The following ZNF385D variants were observed in gnomAD, a reference collection of about 807,000 sequenced individuals.
ZNF385D encodes the protein zinc finger protein 659.
In ZNF385D, 15 loss-of-function variants were observed where a neutral mutation model predicts 35.8. The ratio of observed to expected loss-of-function variants is 0.42; its 90% CI spans 0.28 to 0.64. The LOEUF (loss-of-function observed/expected upper bound fraction) is 0.64. ZNF385D is among the 30% of genes least tolerant of loss of function. The pLI is 0.23. For missense variants in ZNF385D, 474 were observed against 494.6 expected (o/e 0.96, Z 0.39); for synonymous variants, 212 against 186.8 (o/e 1.13, Z -1.10).
intron 2 of ZNF385D, among the ~76,000 whole-genome samples, chr3:22,288,466 C>T (rs1052916125): frequency 6.6e-6 from 1 of 151,900 alleles, no homozygotes; most frequent in Non-Finnish European, 1.5e-5. Context: ...TGGATGATTT[C>T]CAGTGACCTG....
rs552194344 is a variant in ZNF385D, at chr3:22,000,072, G to A, written c.325+168745C>T. Among the ~76,000 whole-genome samples, 34 of 152,206 alleles carry A rather than the reference G, an allele frequency of 2.2e-4. No homozygotes were observed. In the East Asian group the frequency reaches 4.5e-3, roughly 20 times the overall value. On this transcript the variant is annotated intron_variant, in intron 3 of 5. Coordinates refer to the ZNF385D transcript ENST00000494108. ...TGTAATTCCAGCACTTTGGGAGGCCGAGGCGGGCAGATCATGAGCTCAGGA... is the reference window on the plus strand; with the variant it reads ...TGTAATTCCAGCACTTTGGGAGGCCAAGGCGGGCAGATCATGAGCTCAGGA...
chr3:22,281,815 G>A (rs1168861326), intron 2 of ZNF385D, among the ~76,000 whole-genome samples: 5 of 151,978 alleles, frequency 3.3e-5, no homozygotes, highest in African/African-American at 4.8e-5. Context: ...CAATAGGATT[G>A]GTACCAATTG....
At chr3:21,621,750 C>A (rs951238222) in intron 2 of ZNF385D, among the ~76,000 whole-genome samples, 2 of 151,972 alleles carry the variant, frequency 1.3e-5, no homozygotes, top group African/African-American at 4.8e-5. Context: ...CTATTATCTT[C>A]TGAGATACTC....
intron 2 of ZNF385D, among the ~76,000 whole-genome samples, chr3:22,180,021 A>G (rs1033189484): frequency 2.6e-5 from 4 of 152,216 alleles, no homozygotes; most frequent in African/African-American, 7.2e-5. Context: ...AAAGATCAAC[A>G]AAGTTGATAG....
At chr3:21,493,553 C>T (rs866538534) in intron 4 of ZNF385D, among the ~76,000 whole-genome samples, 16 of 152,034 alleles carry the variant, frequency 1.1e-4, no homozygotes, top group African/African-American at 3.9e-4. Flanking sequence ...ACACTATATA[C>T]TGATCTAAAA....
At chr3:21,978,461 G>T (rs1225949733) in intron 3 of ZNF385D, among the ~76,000 whole-genome samples, 1 of 152,180 alleles carries the variant, frequency 6.6e-6, no homozygotes, top group East Asian at 1.9e-4. Flanking sequence ...CAGGAACTAT[G>T]CCATCACTGG....
intron 3 of ZNF385D, among the ~76,000 whole-genome samples, chr3:22,038,890 T>C (rs940597232): frequency 6.7e-6 from 1 of 149,814 alleles, no homozygotes; most frequent in Non-Finnish European, 1.5e-5. Flanking sequence ...ATTTTATTTT[T>C]ATTATATATA....
chr3:22,088,129 G>A (rs1701140970), intron 3 of ZNF385D, among the ~76,000 whole-genome samples: 1 of 152,152 alleles, frequency 6.6e-6, no homozygotes, highest in Admixed American at 6.6e-5. Context: ...AGCATGGAAG[G>A]CAGGACAGAA....
chr3:22,336,801 T>C (rs1695177554), intron 2 of ZNF385D, among the ~76,000 whole-genome samples: 1 of 150,232 alleles, frequency 6.7e-6, no homozygotes, highest in African/African-American at 2.4e-5. Context: ...TTTTAATATG[T>C]AGGACCAGAG....
intron 3 of ZNF385D, among the ~76,000 whole-genome samples, chr3:21,557,991 T>C (rs2062800297): frequency 6.6e-6 from 1 of 152,218 alleles, no homozygotes; most frequent in African/African-American, 2.4e-5. Flanking sequence ...GTGGGATCAG[T>C]GGTGATACCC....
intron 1 of ZNF385D, among the ~76,000 whole-genome samples, chr3:21,724,402 C>A (rs1431633215): frequency 7.0e-6 from 1 of 142,702 alleles, no homozygotes; most frequent in Non-Finnish European, 1.5e-5. Context: ...ATTCAGGAGA[C>A]CCATCTCATA....
chr3:22,220,644 A>C (rs751415047), intron 2 of ZNF385D, among the ~76,000 whole-genome samples: 1 of 152,136 alleles, frequency 6.6e-6, no homozygotes, highest in Non-Finnish European at 1.5e-5. Flanking sequence ...CATACTTCTG[A>C]GTCTTCACAT....
intron 3 of ZNF385D, among the ~76,000 whole-genome samples, chr3:22,017,108 C>A (rs1696940862): frequency 6.6e-6 from 1 of 151,882 alleles, no homozygotes; most frequent in Non-Finnish European, 1.5e-5. Flanking sequence ...ATCTGCCAGT[C>A]AGATTTTATA....
intron 1 of ZNF385D, among the ~76,000 whole-genome samples, chr3:21,728,049 C>T (rs1271205354): frequency 6.6e-6 from 1 of 152,070 alleles, no homozygotes; most frequent in African/African-American, 2.4e-5. Context: ...GAAAACCAAA[C>T]ACCGCATGTT....
intron 2 of ZNF385D, among the ~76,000 whole-genome samples, chr3:22,184,256 G>A (rs1156299167): frequency 2.0e-5 from 3 of 152,066 alleles, no homozygotes; most frequent in Non-Finnish European, 4.4e-5. Context: ...TGGCCCACTT[G>A]GAAAAGTGAT....
intron 2 of ZNF385D, among the ~76,000 whole-genome samples, chr3:22,287,150 G>C (rs1702067134): frequency 6.6e-6 from 1 of 151,814 alleles, no homozygotes; most frequent in Non-Finnish European, 1.5e-5. Context: ...TTTTGTGACA[G>C]TTTTTTTACT....
intron 3 of ZNF385D, among the ~76,000 whole-genome samples, chr3:21,785,625 ATT>A (rs1388990480): frequency 6.6e-6 from 1 of 152,196 alleles, no homozygotes; most frequent in Non-Finnish European, 1.5e-5. Context: ...ACTACTTTAG[ATT>A]TCACATATAA....
chr3:21,611,846 G>C (rs2064688814), intron 2 of ZNF385D, among the ~76,000 whole-genome samples: 1 of 151,848 alleles, frequency 6.6e-6, no homozygotes, highest in African/African-American at 2.4e-5. Flanking sequence ...TGAGACCTGA[G>C]CACCTTGACT....
intron 1 of ZNF385D, among the ~76,000 whole-genome samples, chr3:21,688,506 A>T (rs1011029184): frequency 6.6e-6 from 1 of 152,208 alleles, no homozygotes; most frequent in Non-Finnish European, 1.5e-5. Flanking sequence ...TTCATTAATT[A>T]TCTTTATTTA....
Sources: allele counts gnomAD v4.1 joint callset (sites outside exome capture counted in the v4.1 genomes callset), GRCh38; gene constraint gnomAD v4.1.1; transcripts MANE v1.5; gene names NCBI Gene and HGNC (gene_info 2026-07-23, HGNC 2026-07-21).